Variants in FN1 observed in about 807,000 individuals in gnomAD.
FN1 encodes the protein fibronectin.
In FN1, 106 loss-of-function variants were observed where a neutral mutation model predicts 297.3. The observed-to-expected ratio is 0.36, with a 90% CI of 0.30 to 0.42. The LOEUF (loss-of-function observed/expected upper bound fraction) is 0.42, where lower values mean the gene tolerates loss of function less well. Ranked by LOEUF, FN1 falls within the 10% of genes least tolerant of loss-of-function variation. The probability of loss-of-function intolerance (pLI) is 1.00; values close to 1 mark genes in which losing one functional copy is unlikely to be tolerated. For synonymous variants in FN1, 1,149 were observed against 1,152.6 expected, an observed-to-expected ratio of 1.00 and a Z score of 0.06; for missense variants, 2,690 against 3,124.9, an observed-to-expected ratio of 0.86 and a Z score of 3.32.
At position 215,408,177 on chromosome 2, in the gene FN1, T is replaced by G. The variant is rs2577301; in HGVS notation, c.2449A>C (p.Thr817Pro). The stretch of plus-strand genomic sequence containing the variant: ...GTGTCATCAACTTGGTCCACAGTCG[T>G]GTCAGGAGGGGCATCAGGCGCTAAG... ...QTTAPDAPPD[T>P]TVDQVDDTSI... is the part of the protein sequence containing the mutation. Residue 817 changes from threonine (T) to proline (P), a missense_variant, in exon 17 of 46, where the codon ACG becomes CCG. Physicochemically the swap from Thr to Pro is conservative, Grantham distance 38. This residue lies in a region of FN1 where 876 missense variants were observed against 1,058.1 expected (regional missense o/e 0.83). Coordinates refer to ENST00000354785, the MANE Select transcript of FN1 (RefSeq NM_212482.4). The G allele has an allele frequency of 1, 1,614,040 of 1,614,062 alleles. 807,009 individuals carry two copies. The highest frequency in any genetic ancestry group is 1 in the Non-Finnish European group (1,180,016 of 1,180,016).
At chr2:215,422,052 T>G (rs200686656) in intron 10 of FN1, 39 bp downstream of exon 10, 1 of 1,608,276 alleles carries the variant, frequency 6.2e-7, no homozygotes, top group Non-Finnish European at 8.5e-7. Flanking sequence ...TTCTGTACCT[T>G]TTGCCATCTC....
chr2:215,398,314 A>C (rs987490819), intron 21 of FN1, among the ~76,000 whole-genome samples: 1 of 152,238 alleles, frequency 6.6e-6, no homozygotes, highest in Non-Finnish European at 1.5e-5. Context: ...TTTTGAAGAG[A>C]TATGTACATA....
Position 215,435,816 on chromosome 2 carries a change from G to T in FN1, c.-14C>A. On this transcript the variant is annotated 5_prime_UTR_variant, in exon 1 of 46. Coordinates refer to ENST00000354785, the MANE Select transcript of FN1 (RefSeq NM_212482.4). ...ACCCCTAAGCATGTTGAGACGGTGGGGGAGAGACGCCCGCACCGGGAGGCA... is the reference window on the plus strand; with the variant it reads ...ACCCCTAAGCATGTTGAGACGGTGGTGGAGAGACGCCCGCACCGGGAGGCA... 1 of 1,533,918 alleles carries T rather than the reference G, an allele frequency of 6.5e-7. No individual in the cohort carries two copies. The highest frequency in any genetic ancestry group is 8.8e-7 in the Non-Finnish European group (1 of 1,142,652).
intron 26 of FN1, among the ~76,000 whole-genome samples, chr2:215,388,838 C>CTACA (rs1329343577): frequency 1.3e-5 from 2 of 152,058 alleles, no homozygotes; most frequent in African/African-American, 4.8e-5. Context: ...ATTTGATTTA[C>CTACA]TACAATTATC....
intron 34 of FN1, 103 bp from the exon 35 acceptor site, chr2:215,378,365 T>TA: frequency 1.4e-6 from 1 of 721,828 alleles, no homozygotes; most frequent in African/African-American, 1.7e-5. Flanking sequence ...AAATAAAAAA[T>TA]AAACAAACCA....
chr2:215,407,302 C>T lies in FN1; in HGVS notation c.2538G>A (p.Ser846=), dbSNP rs145300210. ...CTGTGCTGCTACCTTCTACTGATGGCGAATAGACTATTCTGTACCCTGCAG... is the reference window on the plus strand; with the variant it reads ...CTGTGCTGCTACCTTCTACTGATGGTGAATAGACTATTCTGTACCCTGCAG... ...APITGYRIVY[S]PSVEGSSTEL... is the part of the protein sequence containing the mutation. Residue 846 remains serine, a synonymous_variant, in exon 18 of 46, where the codon TCG becomes TCA. Transcript: ENST00000354785. 7.5e-5 allele frequency: 121 copies of T among 1,614,020 alleles called. 1 individual carries two copies. Among genetic ancestry groups the T allele is most frequent in the African/African-American group, 6.7e-4 (50 of 75,004 alleles).
At chr2:215,372,711 T>C (rs920605477) in intron 39 of FN1, among the ~76,000 whole-genome samples, 11 of 152,216 alleles carry the variant, frequency 7.2e-5, no homozygotes, top group Non-Finnish European at 1.6e-4. Context: ...TCTTTCTTTT[T>C]TAAATTTGAG....
chr2:215,401,071 C>CA lies in FN1; in HGVS notation c.3254-1721dup, dbSNP rs79391853. ...TCGGCCTCCCAAAGTGCTGGAATTA[C>CA]AGGCATGAGCCATCACACCTGGCCA... On this transcript the variant is annotated intron_variant, in intron 20 of 45. Transcript: ENST00000354785. Among the ~76,000 whole-genome samples, 676 of 141,086 alleles carry CA rather than the reference C, an allele frequency of 4.8e-3. 26 individuals are homozygous for CA. The highest frequency in any genetic ancestry group is 0.032 in the East Asian group (153 of 4,772). The allele number at this position is 141,086 out of a possible 152,430, so 92.6% of individuals were successfully genotyped here.
At chr2:215,365,111 G>C (rs370107158) in intron 43 of FN1, 126 bp from the exon 44 acceptor site, 18 of 730,498 alleles carry the variant, frequency 2.5e-5, no homozygotes, top group African/African-American at 2.4e-4. Context: ...ATATTTATGT[G>C]AATCATCCCT....
chr2:215,428,103 CAAAGG>C, intron 6 of FN1, 72 bp downstream of exon 6: 1 of 1,541,984 alleles, frequency 6.5e-7, no homozygotes, highest in Non-Finnish European at 8.9e-7. Context: ...AATGGCATGT[CAAAGG>C]AAAGATGGAT....
intron 40 of FN1, among the ~76,000 whole-genome samples, chr2:215,371,314 C>T (rs1445056452): frequency 2.0e-5 from 3 of 151,068 alleles, no homozygotes; most frequent in South Asian, 2.1e-4. Context: ...AAATAATATA[C>T]GTTTTAGAGA....
chr2:215,397,044 A>T lies in FN1; in HGVS notation c.3604+93T>A. 4 of 858,244 alleles carry T rather than the reference A, an allele frequency of 4.7e-6. No homozygotes were observed. The East Asian group carries it at 9.7e-5, about 21-fold the overall frequency. 53.2% of individuals were successfully genotyped at this position (858,244 alleles called of 1,614,324 possible). A position where few individuals can be genotyped will look rare whatever the true frequency, so the allele number is the denominator to read the frequency against. ...GGAGAGCTAAGCATTTGTAATTTGA[A>T]TCCCTTCTTTCTCTGAAAGAAACAC... On this transcript the variant is annotated intron_variant, in intron 23 of 45. Coordinates refer to ENST00000354785, the MANE Select transcript of FN1 (RefSeq NM_212482.4).
intron 20 of FN1, among the ~76,000 whole-genome samples, chr2:215,400,498 TC>T (rs2060864314): frequency 6.6e-6 from 1 of 152,012 alleles, no homozygotes; most frequent in Non-Finnish European, 1.5e-5. Flanking sequence ...ATGCCTGTAA[TC>T]CCAGCACTTT....
chr2:215,383,205 G>A (rs184899915), intron 31 of FN1, 123 bp downstream of exon 31: 24 of 951,904 alleles, frequency 2.5e-5, no homozygotes, highest in Middle Eastern at 3.2e-4. Flanking sequence ...ACGGGGTTTC[G>A]CCATATTGGC....
chr2:215,375,500 A>G (rs1391984982), intron 37 of FN1, 107 bp from the exon 38 acceptor site: 1 of 1,273,752 alleles, frequency 7.9e-7, no homozygotes, highest in African/African-American at 1.5e-5. Flanking sequence ...ATCTGAGAAT[A>G]CTGTAAACCG....
Position 215,401,235 on chromosome 2 carries a change from A to AAGGAAGGAAGGAAGGAAGGAAGG in FN1, c.3254-1885_3254-1884insCCTTCCTTCCTTCCTTCCTTCCT, listed in dbSNP as rs1559475044. Reference sequence around the variant, plus strand: ...GAAAGAAAGAAAGAAAGAAAGAAAGAAAGAAAGAAAGAAAGGAAGAAAGAA... The same window carrying AAGGAAGGAAGGAAGGAAGGAAGG: ...GAAAGAAAGAAAGAAAGAAAGAAAGAAGGAAGGAAGGAAGGAAGGAAGGAAGAAAGAAAGAAAGGAAGAAAGAA... On this transcript the variant is annotated intron_variant, in intron 20 of 45. Transcript: ENST00000354785. 2.2e-4 allele frequency among the ~76,000 whole-genome samples: 13 copies of AAGGAAGGAAGGAAGGAAGGAAGG among 58,118 alleles called. 1 individual carries two copies. The highest frequency in any genetic ancestry group is 8.7e-4 in the African/African-American group (13 of 14,962). 38.1% of individuals were successfully genotyped at this position (58,118 alleles called of 152,430 possible).
At position 215,424,254 on chromosome 2, in the gene FN1, T is replaced by C; in HGVS notation, c.1108A>G (p.Thr370Ala). 6.2e-7 allele frequency: 1 copy of C among 1,614,178 alleles called. No individual in the cohort carries two copies. ...CVLPFTYNGRTFYSCTTEGRQ... is the reference protein window; with the variant it reads ...CVLPFTYNGRAFYSCTTEGRQ... ...CCTTCTGTGGTGCAGGAGTAGAACGTCCTGCCATTGTAGGTGAATGGTAAG... is the reference window on the plus strand; with the variant it reads ...CCTTCTGTGGTGCAGGAGTAGAACGCCCTGCCATTGTAGGTGAATGGTAAG... The change falls in exon 8 of 46, where the codon ACG becomes GCG. Residue 370 changes from threonine to alanine, a missense_variant. Around this residue, in one of 3 missense-constraint regions of FN1, gnomAD observed 876 missense variants for 1,058.1 expected, o/e 0.83. Transcript: ENST00000354785.
At chr2:215,431,807 C>CT in intron 4 of FN1, 26 bp downstream of exon 4, 1 of 1,613,758 alleles carries the variant, frequency 6.2e-7, no homozygotes, top group Non-Finnish European at 8.5e-7. Context: ...CATCCCAGCT[C>CT]TTGCTCAGCC....
chr2:215,379,076 C>T lies in FN1; in HGVS notation c.5622+54G>A, dbSNP rs1245950541. The T allele has an allele frequency of 1.4e-6, 2 of 1,435,634 alleles. 1 individual carries two copies. Among genetic ancestry groups the T allele is most frequent in the South Asian group, 2.3e-5 (2 of 87,394 alleles). 88.9% of individuals were successfully genotyped at this position (1,435,634 alleles called of 1,614,324 possible). ...TATTATATTTTCACCACCTTAGAAA[C>T]TGTGTTAGAGATGATCTCCATCTTT... On this transcript the variant is annotated intron_variant, in intron 34 of 45. Coordinates refer to ENST00000354785, the MANE Select transcript of FN1 (RefSeq NM_212482.4).
Sources: allele counts gnomAD v4.1 joint callset (sites outside exome capture counted in the v4.1 genomes callset), GRCh38; gene constraint gnomAD v4.1.1; regional missense constraint gnomAD v4.1.1; transcripts MANE v1.5; gene names NCBI Gene and HGNC (gene_info 2026-07-23, HGNC 2026-07-21).